Variants in TLK2 observed in about 807,000 individuals in gnomAD.
TLK2 encodes the protein serine/threonine-protein kinase tousled-like 2.
TLK2 carries 6 observed loss-of-function variants against 117.3 expected under a neutral mutation model. The ratio of observed to expected loss-of-function variants is 0.05; its 90% CI spans 0.03 to 0.10. The LOEUF is 0.10. TLK2 is among the 10% of genes least tolerant of loss of function. The pLI, the probability that TLK2 is intolerant of heterozygous loss-of-function variation, is 1.00. For synonymous variants in TLK2, 257 were observed against 316.7 expected, an observed-to-expected ratio of 0.81 and a Z score of 2.00; for missense variants, 299 against 901.2, an observed-to-expected ratio of 0.33 and a Z score of 8.56.
At chr17:62,499,379 G>A (rs1322897446) in intron 2 of TLK2, among the ~76,000 whole-genome samples, 1 of 151,030 alleles carries the variant, frequency 6.6e-6, no homozygotes, top group African/African-American at 2.4e-5. Flanking sequence ...TGCCCAGCCT[G>A]GTCTCGAACT....
At chr17:62,487,618 A>ATT (rs1438330069) in intron 2 of TLK2, among the ~76,000 whole-genome samples, 1 of 97,214 alleles carries the variant, frequency 1.0e-5, no homozygotes, top group African/African-American at 3.4e-5. Flanking sequence ...CTTGGCAAGT[A>ATT]TCTTTTTTTT....
At chr17:62,573,499 G>A (rs2080484652) in intron 12 of TLK2, 132 bp downstream of exon 12, 10 of 1,232,532 alleles carry the variant, frequency 8.1e-6, no homozygotes, top group Admixed American at 3.0e-5. Context: ...TTACATTAAT[G>A]GATTTGCTCA....
rs143548926 is a variant in TLK2, at chr17:62,495,653, T to TTATATATA, written c.81+14461_81+14468dup. Among the ~76,000 whole-genome samples the TTATATATA allele has an allele frequency of 4.3e-3, 599 of 137,886 alleles. 3 individuals carry two copies. The highest frequency in any genetic ancestry group is 0.018 in the South Asian group (77 of 4,246). The allele number at this position is 137,886 out of a possible 152,430, so 90.5% of individuals were successfully genotyped here. On this transcript the variant is annotated intron_variant, in intron 2 of 21. Transcript: ENST00000346027. ...GGTATGTGGTAAAAAATTTTAAAAATTATATATATATATATATATATTGGA... is the reference window on the plus strand; with the variant it reads ...GGTATGTGGTAAAAAATTTTAAAAATTATATATATATATATATATATATATATATTGGA...
At chr17:62,484,774 G>A (rs1353000508) in intron 2 of TLK2, among the ~76,000 whole-genome samples, 1 of 151,964 alleles carries the variant, frequency 6.6e-6, no homozygotes, top group Admixed American at 6.6e-5. Flanking sequence ...CACTGTGTTA[G>A]GGCCAGGCAC....
intron 16 of TLK2, among the ~76,000 whole-genome samples, chr17:62,588,223 T>A (rs937605487): frequency 1.6e-4 from 25 of 152,118 alleles, no homozygotes; most frequent in African/African-American, 6.0e-4. Context: ...TTGCCTAGTC[T>A]CAGTATCCAG....
intron 7 of TLK2, among the ~76,000 whole-genome samples, chr17:62,539,848 T>C (rs1332679277): frequency 2.0e-5 from 3 of 152,172 alleles, no homozygotes; most frequent in Non-Finnish European, 4.4e-5. Flanking sequence ...TTAACTCCTA[T>C]GTGCAGAGGA....
chr17:62,478,666 G>A (rs1475395850), upstream of TLK2, among the ~76,000 whole-genome samples: 1 of 144,404 alleles, frequency 6.9e-6, no homozygotes, highest in Non-Finnish European at 1.5e-5. Context: ...GAGAAGGCGG[G>A]GCGCCGGGGC....
chr17:62,565,977 C>T (rs751527308), intron 11 of TLK2, among the ~76,000 whole-genome samples: 1 of 152,144 alleles, frequency 6.6e-6, no homozygotes, highest in Non-Finnish European at 1.5e-5. Context: ...GGTGACCAGC[C>T]CCACTGTGTG....
chr17:62,520,907 T>C, intron 3 of TLK2, 63 bp downstream of exon 3: 1 of 1,577,764 alleles, frequency 6.3e-7, no homozygotes, highest in Non-Finnish European at 8.7e-7. Flanking sequence ...GTTTGGTGGC[T>C]CAAGGCTGTA....
intron 21 of TLK2, 56 bp from the exon 22 acceptor site, chr17:62,612,336 C>T (rs749402561): frequency 6.4e-7 from 1 of 1,560,722 alleles, no homozygotes; most frequent in Non-Finnish European, 8.7e-7. Flanking sequence ...CCTTAGGGTT[C>T]CCTCCAGGGG....
chr17:62,493,746 C>T (rs555308166), intron 2 of TLK2, among the ~76,000 whole-genome samples: 2 of 152,116 alleles, frequency 1.3e-5, no homozygotes, highest in South Asian at 4.1e-4. Context: ...TGTAACTTGG[C>T]AAGTTACATA....
chr17:62,475,256 G>T (rs1415574557), upstream of TLK2, among the ~76,000 whole-genome samples: 1 of 152,124 alleles, frequency 6.6e-6, no homozygotes, highest in Non-Finnish European at 1.5e-5. Context: ...TGAGGAACCT[G>T]GGACAGGTGA....
chr17:62,500,873 A>G (rs1185742055), intron 2 of TLK2, among the ~76,000 whole-genome samples: 4 of 152,244 alleles, frequency 2.6e-5, no homozygotes, highest in Non-Finnish European at 5.9e-5. Context: ...AAGAATTCAC[A>G]AAGGAAATTA....
chr17:62,544,759 A>C (rs1391843421), intron 7 of TLK2, among the ~76,000 whole-genome samples: 1 of 152,182 alleles, frequency 6.6e-6, no homozygotes. Flanking sequence ...ATAGGATTTG[A>C]TAGCAATTGT....
chr17:62,574,263 C>G, intron 12 of TLK2: 2 of 1,519,928 alleles, frequency 1.3e-6, no homozygotes, highest in Non-Finnish European at 8.8e-7. Flanking sequence ...CAATCCTCAC[C>G]CCATACATAT....
intron 2 of TLK2, chr17:62,516,399 G>A (rs1046392250): frequency 1.5e-5 from 24 of 1,587,614 alleles, no homozygotes; most frequent in South Asian, 1.0e-4. Flanking sequence ...CCCCAGCCTC[G>A]GCTTTCTTGT....
intron 2 of TLK2, among the ~76,000 whole-genome samples, chr17:62,490,701 G>A (rs921348810): frequency 6.6e-6 from 1 of 151,670 alleles, no homozygotes; most frequent in Non-Finnish European, 1.5e-5. Context: ...GCCACCGCAC[G>A]CAGCTAATTT....
At chr17:62,544,027 C>T (rs1243512210) in intron 7 of TLK2, among the ~76,000 whole-genome samples, 1 of 152,008 alleles carries the variant, frequency 6.6e-6, no homozygotes, top group Non-Finnish European at 1.5e-5. Context: ...GAAGGAGTTC[C>T]AACTTCATTT....
At chr17:62,524,600 C>G (rs534987362) in intron 6 of TLK2, among the ~76,000 whole-genome samples, 3 of 152,248 alleles carry the variant, frequency 2.0e-5, no homozygotes, top group East Asian at 3.9e-4. Flanking sequence ...TGATTCCAAT[C>G]GAAACATTAG....
Sources: allele counts gnomAD v4.1 joint callset (sites outside exome capture counted in the v4.1 genomes callset), GRCh38; gene constraint gnomAD v4.1.1; transcripts MANE v1.5; gene names NCBI Gene and HGNC (gene_info 2026-07-23, HGNC 2026-07-21).